FMN2: variants seen among roughly 807,000 people sequenced by gnomAD.
FMN2 encodes the protein formin 2.
Under a neutral mutation model 142.3 loss-of-function variants are expected in FMN2, and 51 were observed. The ratio of observed to expected loss-of-function variants is 0.36; its 90% confidence interval spans 0.29 to 0.45. The LOEUF is 0.45. Among genes scored for constraint, FMN2 ranks in the 20% least tolerant of loss-of-function variants. The pLI is 1.00. For missense variants in FMN2, 1,936 were observed against 2,122.8 expected, an observed-to-expected ratio of 0.91 and a Z score of 1.73; for synonymous variants, 882 against 869.8, an observed-to-expected ratio of 1.01 and a Z score of -0.25.
At chr1:240,102,955 C>T (rs1276764221) in intron 1 of FMN2, among the ~76,000 whole-genome samples, 2 of 151,674 alleles carry the variant, frequency 1.3e-5, no homozygotes, top group African/African-American at 4.8e-5. Flanking sequence ...ACCTCTGCCT[C>T]CCAGGTTCAA....
intron 6 of FMN2, among the ~76,000 whole-genome samples, chr1:240,218,949 T>G (rs1667007380): frequency 6.6e-6 from 1 of 152,110 alleles, no homozygotes; most frequent in African/African-American, 2.4e-5. Context: ...ACAGAGTATA[T>G]AGGCTGGACT....
intron 4 of FMN2, among the ~76,000 whole-genome samples, chr1:240,199,440 G>A (rs190960830): frequency 2.3e-4 from 35 of 152,152 alleles, no homozygotes; most frequent in African/African-American, 8.2e-4. Flanking sequence ...AGTGTATCTT[G>A]GCTTCTTTTT....
chr1:240,448,588 G>A (rs1336164530), intron 16 of FMN2, among the ~76,000 whole-genome samples: 1 of 152,136 alleles, frequency 6.6e-6, no homozygotes, highest in Non-Finnish European at 1.5e-5. Flanking sequence ...GGCTGAGGGA[G>A]GACAATTACT....
intron 1 of FMN2, among the ~76,000 whole-genome samples, chr1:240,105,148 G>T (rs1293278619): frequency 8.8e-6 from 1 of 114,054 alleles, no homozygotes; most frequent in African/African-American, 3.5e-5. Flanking sequence ...TCACTCTGTC[G>T]CCCAGGCTGG....
At chr1:240,096,329 G>T (rs903545263) in intron 1 of FMN2, among the ~76,000 whole-genome samples, 1 of 152,154 alleles carries the variant, frequency 6.6e-6, no homozygotes. Flanking sequence ...CTCCTTTAAT[G>T]GTTGAACATC....
intron 3 of FMN2, among the ~76,000 whole-genome samples, chr1:240,182,296 C>T (rs1665186393): frequency 6.6e-6 from 1 of 152,112 alleles, no homozygotes; most frequent in Admixed American, 6.5e-5. Flanking sequence ...TTGTCGTTTC[C>T]TCTGTGGAAA....
chr1:240,351,371 G>A (rs1206122174), intron 13 of FMN2, among the ~76,000 whole-genome samples: 1 of 152,150 alleles, frequency 6.6e-6, no homozygotes, highest in Non-Finnish European at 1.5e-5. Flanking sequence ...ACACTGGACA[G>A]GTGCGTTTCA....
intron 2 of FMN2, chr1:240,145,460 C>A (rs1227822845): frequency 3.6e-6 from 1 of 274,944 alleles, no homozygotes; most frequent in Non-Finnish European, 6.5e-6. Flanking sequence ...AAAACTTTTT[C>A]TTTAGTATTG....
At chr1:240,394,854 G>T (rs1480760470) in intron 15 of FMN2, among the ~76,000 whole-genome samples, 2 of 152,092 alleles carry the variant, frequency 1.3e-5, no homozygotes, top group Non-Finnish European at 2.9e-5. Flanking sequence ...TGTAATGCCA[G>T]CTACTCAGAA....
intron 16 of FMN2, among the ~76,000 whole-genome samples, chr1:240,444,175 C>T (rs897468837): frequency 6.6e-6 from 1 of 152,134 alleles, no homozygotes; most frequent in African/African-American, 2.4e-5. Context: ...TCACTCATTC[C>T]ATATGGAGTC....
chr1:240,119,445 C>T (rs1662151192), intron 1 of FMN2, among the ~76,000 whole-genome samples: 1 of 152,154 alleles, frequency 6.6e-6, no homozygotes. Flanking sequence ...GAGGTTAGGC[C>T]TGGGGTTCTC....
At chr1:240,442,824 T>C (rs186549343) in intron 16 of FMN2, among the ~76,000 whole-genome samples, 1 of 152,318 alleles carries the variant, frequency 6.6e-6, no homozygotes, top group African/African-American at 2.4e-5. Context: ...AGGGCTTCTG[T>C]CTTTCTAGTC....
chr1:240,257,707 A>T (rs191207272), intron 6 of FMN2, among the ~76,000 whole-genome samples: 221 of 152,316 alleles, frequency 1.5e-3, no homozygotes, highest in African/African-American at 5.3e-3. Flanking sequence ...ACTGGTTAAA[A>T]AACATGTCTT....
In FMN2 at chr1:240,409,344, G is replaced by A. The variant is rs181721792; in HGVS notation, c.4910+16782G>A. Among the ~76,000 whole-genome samples the A allele has an allele frequency of 2.0e-5, 3 of 151,928 alleles. No individual in the cohort carries two copies. In the East Asian group the frequency reaches 5.8e-4, roughly 30 times the overall value. On this transcript the variant is annotated intron_variant, in intron 15 of 17. Transcript: ENST00000319653. The stretch of plus-strand genomic sequence containing the variant: ...TTTTTAGTAGAGATGGGGTTTCACC[G>A]TGTTGGCCAAGCTGGTCTCAAACTC...
intron 4 of FMN2, among the ~76,000 whole-genome samples, chr1:240,195,711 G>T (rs1665886327): frequency 2.0e-5 from 3 of 152,154 alleles, no homozygotes; most frequent in Admixed American, 2.0e-4. Context: ...AGAATTGACT[G>T]TATCTTTTTA....
At chr1:240,262,446 CT>C (rs1448593128) in intron 7 of FMN2, among the ~76,000 whole-genome samples, 1 of 152,048 alleles carries the variant, frequency 6.6e-6, no homozygotes. Context: ...TAATTTTGGC[CT>C]GTTATTCCCA....
At chr1:240,419,630 G>A (rs748764829) in intron 15 of FMN2, among the ~76,000 whole-genome samples, 26 of 152,120 alleles carry the variant, frequency 1.7e-4, no homozygotes, top group Non-Finnish European at 2.9e-4. Context: ...TGTGGCCCTC[G>A]AGACATCTGA....
chr1:240,339,905 T>C (rs1671691594), intron 13 of FMN2, among the ~76,000 whole-genome samples: 1 of 152,068 alleles, frequency 6.6e-6, no homozygotes, highest in South Asian at 2.1e-4. Flanking sequence ...TAAATATCTC[T>C]TCCTAACACC....
chr1:240,261,567 T>C (rs1279987822), intron 7 of FMN2, among the ~76,000 whole-genome samples: 2 of 152,162 alleles, frequency 1.3e-5, no homozygotes, highest in East Asian at 3.9e-4. Context: ...TGTGTAAGGT[T>C]TGGATTCTAG....
Sources: gnomAD v4.1 joint callset for allele counts (sites outside exome capture counted in the v4.1 genomes callset) on GRCh38, gnomAD v4.1.1 for gene constraint, MANE v1.5 for transcripts, NCBI Gene and HGNC (gene_info 2026-07-23, HGNC 2026-07-21) for gene names.